The following FOCAD variants were observed in gnomAD, a reference collection of about 807,000 sequenced individuals.
FOCAD encodes focadhesin.
A neutral mutation model predicts 225.6 loss-of-function variants in FOCAD; 198 were observed. The observed-to-expected ratio is 0.88, with a 90% CI of 0.78 to 0.99. The LOEUF (loss-of-function observed/expected upper bound fraction) is 0.99, where lower values mean the gene tolerates loss of function less well. Among genes scored for constraint, FOCAD ranks in the 50% least tolerant of loss-of-function variants. The pLI, the probability that FOCAD is intolerant of heterozygous loss-of-function variation, is 0.00. For missense variants in FOCAD, 2,713 were observed against 2,123.6 expected (o/e 1.28, Z -5.46); for synonymous variants, 897 against 755.0 (o/e 1.19, Z -3.08).
intron 8 of FOCAD, among the ~76,000 whole-genome samples, chr9:20,778,020 G>C (rs1178556751): frequency 6.7e-6 from 1 of 149,250 alleles, no homozygotes; most frequent in Non-Finnish European, 1.5e-5. Flanking sequence ...AACCCGGAAG[G>C]CGGAGCTTGC....
intron 15 of FOCAD, among the ~76,000 whole-genome samples, chr9:20,841,398 T>G (rs912770689): frequency 6.7e-6 from 1 of 149,836 alleles, no homozygotes; most frequent in Non-Finnish European, 1.5e-5. Flanking sequence ...TTTCTGGGCT[T>G]TTTTTTTTGA....
intron 10 of FOCAD, among the ~76,000 whole-genome samples, chr9:20,784,048 A>G (rs1188024850): frequency 6.6e-6 from 1 of 152,212 alleles, no homozygotes; most frequent in Non-Finnish European, 1.5e-5. Context: ...GGAACTAAAA[A>G]GTCTCCCCAG....
chr9:20,875,046 G>A (rs2131797722), intron 19 of FOCAD: 1 of 451,006 alleles, frequency 2.2e-6, no homozygotes, highest in Non-Finnish European at 3.9e-6. Flanking sequence ...AAACAATTGT[G>A]TTCACTGATA....
At chr9:20,779,540 A>G (rs978149080) in intron 9 of FOCAD, among the ~76,000 whole-genome samples, 1 of 152,152 alleles carries the variant, frequency 6.6e-6, no homozygotes, top group African/African-American at 2.4e-5. Flanking sequence ...TGAGGTCAGG[A>G]GTTCGAGACC....
chr9:20,885,073 A>G (rs758731679), intron 20 of FOCAD, 36 bp from the exon 21 acceptor site: 2 of 1,228,350 alleles, frequency 1.6e-6, no homozygotes, highest in South Asian at 2.5e-5. Flanking sequence ...AAATAAAAAT[A>G]AAAATAAAAT....
intron 15 of FOCAD, among the ~76,000 whole-genome samples, chr9:20,847,875 A>C (rs1397815657): frequency 1.3e-5 from 2 of 152,110 alleles, no homozygotes; most frequent in African/African-American, 4.8e-5. Flanking sequence ...GTTTTCATGT[A>C]AGGTATAGGG....
chr9:20,990,875 A>G (rs1841607980), intron 42 of FOCAD, among the ~76,000 whole-genome samples: 1 of 152,208 alleles, frequency 6.6e-6, no homozygotes. Context: ...AAGGTTCCCC[A>G]TAGCTTATTC....
At chr9:20,813,717 C>A (rs537520476) in intron 11 of FOCAD, among the ~76,000 whole-genome samples, 1 of 152,054 alleles carries the variant, frequency 6.6e-6, no homozygotes, top group African/African-American at 2.4e-5. Context: ...TTGGGTAGAA[C>A]GTTCTATGTG....
intron 10 of FOCAD, 22 bp downstream of exon 10, chr9:20,781,951 C>G: frequency 1.2e-6 from 2 of 1,603,910 alleles, no homozygotes; most frequent in South Asian, 2.2e-5. Flanking sequence ...ATCCTTGTTT[C>G]TCTTAAATAA....
intron 1 of FOCAD, among the ~76,000 whole-genome samples, chr9:20,710,432 C>A (rs1378128656): frequency 6.6e-6 from 1 of 151,652 alleles, no homozygotes; most frequent in Admixed American, 6.6e-5. Context: ...CCCTCCTCTA[C>A]TAAAAATACA....
intron 15 of FOCAD, among the ~76,000 whole-genome samples, chr9:20,859,148 G>A (rs1828516409): frequency 6.6e-6 from 1 of 152,118 alleles, no homozygotes; most frequent in Non-Finnish European, 1.5e-5. Context: ...GCCGACGTGG[G>A]TGGGTCACCT....
At chr9:20,706,341 A>G (rs1000517252) in intron 1 of FOCAD, among the ~76,000 whole-genome samples, 3 of 152,160 alleles carry the variant, frequency 2.0e-5, no homozygotes, top group Admixed American at 6.5e-5. Context: ...CCATTTCAAA[A>G]TCTGTAAGTA....
At chr9:20,840,234 A>T (rs535262578) in intron 15 of FOCAD, among the ~76,000 whole-genome samples, 9 of 152,020 alleles carry the variant, frequency 5.9e-5, no homozygotes, top group Non-Finnish European at 1.2e-4. Flanking sequence ...CAATAAATTT[A>T]TAGATTTCTT....
chr9:20,819,156 T>C (rs1158847314), intron 11 of FOCAD, among the ~76,000 whole-genome samples: 1 of 152,184 alleles, frequency 6.6e-6, no homozygotes, highest in Non-Finnish European at 1.5e-5. Flanking sequence ...AATTTTATTG[T>C]TTACATACCT....
At chr9:20,985,570 A>C (rs1291665543) in intron 39 of FOCAD, among the ~76,000 whole-genome samples, 2 of 152,200 alleles carry the variant, frequency 1.3e-5, no homozygotes, top group Non-Finnish European at 2.9e-5. Flanking sequence ...TATTCTTTCA[A>C]GTAAATAGTG....
chr9:20,845,442 G>GATATATATAT (rs3086547), intron 15 of FOCAD, among the ~76,000 whole-genome samples: 1,460 of 121,228 alleles, frequency 0.012, 24 homozygotes, highest in African/African-American at 0.026. Context: ...TCTTTTCCTC[G>GATATATATAT]ATATATATAT....
At chr9:20,777,304 G>GTTTTTTTTTTTTTTTTTTTTTTGTTTTT (rs35710134) in intron 8 of FOCAD, among the ~76,000 whole-genome samples, 1 of 110,866 alleles carries the variant, frequency 9.0e-6, no homozygotes, top group Non-Finnish European at 1.8e-5. Context: ...TTTCCTGTGG[G>GTTTTTTTTTTTTTTTTTTTTTTGTTTTT]TTTTTTTTTT....
At chr9:20,687,289 C>A (rs1183286843) in intron 1 of FOCAD, among the ~76,000 whole-genome samples, 4 of 152,312 alleles carry the variant, frequency 2.6e-5, no homozygotes, top group Middle Eastern at 3.4e-3. Flanking sequence ...AATGAAGCAT[C>A]CACTGAAGCT....
intron 9 of FOCAD, among the ~76,000 whole-genome samples, chr9:20,779,799 C>T (rs1438060024): frequency 1.3e-5 from 2 of 151,772 alleles, no homozygotes; most frequent in African/African-American, 4.8e-5. Flanking sequence ...ATAGCTCATT[C>T]TTCTGGGCAT....
Sources: gnomAD v4.1 joint callset for allele counts (sites outside exome capture counted in the v4.1 genomes callset) on GRCh38, gnomAD v4.1.1 for gene constraint, MANE v1.5 for transcripts, NCBI Gene and HGNC (gene_info 2026-07-23, HGNC 2026-07-21) for gene names.